The following PCDH15 variants were observed in gnomAD, a reference collection of about 807,000 sequenced individuals.
PCDH15 encodes protocadherin related 15.
A neutral mutation model predicts 178.5 loss-of-function variants in PCDH15; 129 were observed. The ratio of observed to expected loss-of-function variants is 0.72; its 90% CI spans 0.63 to 0.84. PCDH15 has a LOEUF of 0.84. Ranked by LOEUF, PCDH15 falls within the 40% of genes least tolerant of loss-of-function variation. PCDH15 has a pLI of 0.00. For missense variants in PCDH15, 2,230 were observed against 2,099.9 expected, an observed-to-expected ratio of 1.06 and a Z score of -1.21; for synonymous variants, 800 against 732.0, an observed-to-expected ratio of 1.09 and a Z score of -1.50.
chr10:53,968,764 C>T (rs554401907), intron 21 of PCDH15, among the ~76,000 whole-genome samples: 2 of 152,176 alleles, frequency 1.3e-5, no homozygotes, highest in African/African-American at 4.8e-5. Flanking sequence ...CCTCCAGCAA[C>T]TCCAACAGTC....
intron 2 of PCDH15, among the ~76,000 whole-genome samples, chr10:54,651,898 G>A (rs2094270673): frequency 6.6e-6 from 1 of 151,492 alleles, no homozygotes; most frequent in Non-Finnish European, 1.5e-5. Flanking sequence ...CAAATGCAAT[G>A]TGACAAAGGT....
At chr10:54,105,627 G>A (rs1258787458) in intron 15 of PCDH15, among the ~76,000 whole-genome samples, 1 of 151,928 alleles carries the variant, frequency 6.6e-6, no homozygotes, top group African/African-American at 2.4e-5. Context: ...GATTAAGGGT[G>A]GGTCTGCCTT....
intron 3 of PCDH15, among the ~76,000 whole-genome samples, chr10:54,498,704 A>G (rs1367738961): frequency 6.6e-6 from 1 of 152,220 alleles, no homozygotes; most frequent in African/African-American, 2.4e-5. Context: ...AGTACATTAC[A>G]TAATGATAAA....
At chr10:54,148,238 G>A (rs1011495895) in intron 14 of PCDH15, among the ~76,000 whole-genome samples, 6 of 151,848 alleles carry the variant, frequency 4.0e-5, no homozygotes, top group Non-Finnish European at 7.4e-5. Flanking sequence ...CTAAGAAGGA[G>A]CCCTTAGCTG....
In PCDH15 at chr10:53,806,937, T is replaced by G; in HGVS notation, c.4865A>C (p.Asn1622Thr). ...VRTRRACLTD[N>T]LKVASPVRLG... Reference sequence around the variant, plus strand: ...TCGAACAGGGGAAGCAACTTTTAAGTTGTCCGTGAGGCAGGCACGGCGGGT... The same window carrying G: ...TCGAACAGGGGAAGCAACTTTTAAGGTGTCCGTGAGGCAGGCACGGCGGGT... Residue 1622 changes from asparagine (N) to threonine (T), a missense_variant, in exon 38 of 38, where the codon AAC becomes ACC. Asn to Thr is a moderately conservative substitution (Grantham distance 65). Transcript: ENST00000644397. 1 of 1,613,864 alleles carries G rather than the reference T, an allele frequency of 6.2e-7. No individual in the cohort carries two copies. Among genetic ancestry groups the G allele is most frequent in the African/African-American group, 1.3e-5 (1 of 75,020 alleles).
At chr10:54,306,519 G>C (rs2060481018) in intron 8 of PCDH15, among the ~76,000 whole-genome samples, 1 of 151,920 alleles carries the variant, frequency 6.6e-6, no homozygotes, top group African/African-American at 2.4e-5. Flanking sequence ...TTTGAGGGAG[G>C]TCAGTCTTTT....
chr10:55,102,784 AACATAAACAT>A lies in PCDH15; in HGVS notation c.-80+63782_-80+63791del, dbSNP rs1164153020. On this transcript the variant is annotated intron_variant, in intron 2 of 5. Transcript: ENST00000458638. Reference sequence around the variant, plus strand: ...ATTACTGACCAGAGGCCTTATGTGTAACATAAACATTTGAATAACACATATTTTTGTGTTA... The same window carrying A: ...ATTACTGACCAGAGGCCTTATGTGTATTGAATAACACATATTTTTGTGTTA... Among the ~76,000 whole-genome samples, 3 of 152,192 alleles carry A rather than the reference AACATAAACAT, an allele frequency of 2.0e-5. No homozygotes were observed. In the East Asian group the frequency reaches 5.8e-4, roughly 29 times the overall value.
intron 2 of PCDH15, among the ~76,000 whole-genome samples, chr10:54,558,824 C>T (rs991507675): frequency 7.9e-5 from 12 of 151,752 alleles, no homozygotes; most frequent in Non-Finnish European, 1.2e-4. Flanking sequence ...TCTTTTATAC[C>T]TCTCCAAAGA....
intron 1 of PCDH15, among the ~76,000 whole-genome samples, chr10:54,731,172 A>C (rs1300653031): frequency 1.3e-5 from 2 of 151,330 alleles, no homozygotes; most frequent in Non-Finnish European, 3.0e-5. Context: ...ATTGTTCAAC[A>C]TCACTAGTCT....
intron 2 of PCDH15, among the ~76,000 whole-genome samples, chr10:55,593,767 T>C (rs1162619337): frequency 1.3e-5 from 2 of 151,766 alleles, no homozygotes; most frequent in Non-Finnish European, 2.9e-5. Flanking sequence ...AAAACTATTA[T>C]CTAAGATTAA....
intron 2 of PCDH15, among the ~76,000 whole-genome samples, chr10:55,453,721 A>G (rs1311006925): frequency 1.3e-5 from 2 of 152,072 alleles, no homozygotes; most frequent in East Asian, 3.9e-4. Flanking sequence ...AAGTGACTGC[A>G]AACACTCTCC....
At chr10:54,702,054 C>A (rs1355686981) in intron 1 of PCDH15, among the ~76,000 whole-genome samples, 1 of 151,910 alleles carries the variant, frequency 6.6e-6, no homozygotes, top group Non-Finnish European at 1.5e-5. Flanking sequence ...ACACAATCAC[C>A]CATAAGACAA....
Position 53,971,274 on chromosome 10 carries a change from G to C in PCDH15, c.2869-9382C>G, listed in dbSNP as rs1164309694. Among the ~76,000 whole-genome samples the C allele has an allele frequency of 3.0e-4, 45 of 152,152 alleles. 2 individuals are homozygous for C. The highest frequency in any genetic ancestry group is 6.5e-4 in the Non-Finnish European group (44 of 68,036). ...AAAAACTCTCAATAAACTAGGTATT[G>C]ATGTAACCTATCTTAAAATAATAAG... On this transcript the variant is annotated intron_variant, in intron 21 of 37. Coordinates refer to ENST00000644397, the MANE Select transcript of PCDH15 (RefSeq NM_001384140.1).
intron 1 of PCDH15, among the ~76,000 whole-genome samples, chr10:55,246,955 C>T (rs1760788720): frequency 6.6e-6 from 1 of 151,956 alleles, no homozygotes; most frequent in Non-Finnish European, 1.5e-5. Context: ...ATTATTTTTG[C>T]TTGATATGTA....
chr10:55,220,651 G>A (rs1177369147), intron 1 of PCDH15, among the ~76,000 whole-genome samples: 3 of 151,954 alleles, frequency 2.0e-5, no homozygotes, highest in Non-Finnish European at 4.4e-5. Context: ...AAGTACGTAC[G>A]TATCTAAACT....
At chr10:55,385,696 T>C (rs1392426717) in intron 2 of PCDH15, among the ~76,000 whole-genome samples, 56 of 142,130 alleles carry the variant, frequency 3.9e-4, no homozygotes, top group African/African-American at 1.4e-3. Flanking sequence ...CCTCTGCCTA[T>C]ATATATATAT....
At chr10:54,049,353 C>T (rs182026473) in intron 18 of PCDH15, among the ~76,000 whole-genome samples, 32 of 152,080 alleles carry the variant, frequency 2.1e-4, no homozygotes, top group African/African-American at 6.0e-4. Flanking sequence ...ACTTGGATGT[C>T]TTTTATTTCT....
rs1044491206 is a variant in PCDH15, at chr10:55,200,527, G to A, written c.-155-33876C>T. Among the ~76,000 whole-genome samples, 3 of 152,090 alleles carry A rather than the reference G, an allele frequency of 2.0e-5. No homozygotes were observed. The East Asian group carries it at 5.8e-4, about 29-fold the overall frequency. ...TGAGACTTTGGACTTGGACTTTTGA[G>A]TTAATCCTGGAACGAGTTAAGACTC... is the stretch of plus-strand genomic sequence containing the variant. On this transcript the variant is annotated intron_variant, in intron 1 of 5. Coordinates refer to the PCDH15 transcript ENST00000458638.
intron 20 of PCDH15, among the ~76,000 whole-genome samples, chr10:54,010,134 G>T (rs1408347027): frequency 6.6e-6 from 1 of 152,156 alleles, no homozygotes; most frequent in Non-Finnish European, 1.5e-5. Flanking sequence ...AGAGGGAGAG[G>T]CTGGCTGCCA....
Sources: allele counts gnomAD v4.1 joint callset (sites outside exome capture counted in the v4.1 genomes callset), GRCh38; gene constraint gnomAD v4.1.1; transcripts MANE v1.5; gene names NCBI Gene and HGNC (gene_info 2026-07-23, HGNC 2026-07-21).